The following LARP4 variants were observed in gnomAD, a reference collection of about 807,000 sequenced individuals.
LARP4 encodes the protein La ribonucleoprotein 4.
A neutral mutation model predicts 92.9 loss-of-function variants in LARP4; 29 were observed. The observed-to-expected ratio is 0.31, with a 90% CI of 0.23 to 0.43. The LOEUF (loss-of-function observed/expected upper bound fraction) is 0.43. Ranked by LOEUF, LARP4 falls within the 20% of genes least tolerant of loss-of-function variation. The pLI, the probability that LARP4 is intolerant of heterozygous loss-of-function variation, is 1.00. For synonymous variants in LARP4, 279 were observed against 284.1 expected (o/e 0.98, Z 0.18); for missense variants, 732 against 860.0 (o/e 0.85, Z 1.86).
At chr12:50,445,827 T>C (rs1301691025) in intron 8 of LARP4, among the ~76,000 whole-genome samples, 11 of 152,134 alleles carry the variant, frequency 7.2e-5, no homozygotes, top group Admixed American at 7.2e-4. Context: ...ATTAGAAACA[T>C]AAATGTTATC....
chr12:50,467,482 T>A (rs558866708), intron 13 of LARP4, among the ~76,000 whole-genome samples: 1 of 152,220 alleles, frequency 6.6e-6, no homozygotes, highest in Non-Finnish European at 1.5e-5. Flanking sequence ...TATTTTTTTT[T>A]AGTAGAGACA....
intron 1 of LARP4, among the ~76,000 whole-genome samples, chr12:50,418,044 A>G (rs936268419): frequency 1.8e-4 from 27 of 152,338 alleles, no homozygotes; most frequent in Non-Finnish European, 3.7e-4. Context: ...TATTTTTAGT[A>G]GAGACGGGGT....
chr12:50,471,967 T>G (rs1956987647), intron 13 of LARP4, among the ~76,000 whole-genome samples: 1 of 152,228 alleles, frequency 6.6e-6, no homozygotes, highest in Non-Finnish European at 1.5e-5. Flanking sequence ...TTGAAACAAG[T>G]TCTTAATTTT....
chr12:50,424,675 TAATAAA>T (rs1301311645), intron 1 of LARP4, among the ~76,000 whole-genome samples: 1 of 151,904 alleles, frequency 6.6e-6, no homozygotes, highest in Non-Finnish European at 1.5e-5. Context: ...TCTTTAAAAA[TAATAAA>T]AATAAAAATA....
intron 8 of LARP4, among the ~76,000 whole-genome samples, chr12:50,446,429 ATT>A (rs71083573): frequency 0.013 from 52 of 3,918 alleles, 12 homozygotes; most frequent in South Asian, 0.034. Context: ...ATATATATAT[ATT>A]TTTTTTTTTT....
In LARP4 at chr12:50,453,074, C is replaced by CT. The variant is rs755416642; in HGVS notation, c.805-369dup. Among the ~76,000 whole-genome samples the CT allele has an allele frequency of 3.4e-3, 461 of 136,086 alleles. 3 individuals are homozygous for CT. The highest frequency in any genetic ancestry group is 6.5e-3 in the African/African-American group (245 of 37,418). The allele number at this position is 136,086 out of a possible 152,430, so 89.3% of individuals were successfully genotyped here. A position where few individuals can be genotyped will look rare whatever the true frequency, so the allele number is the denominator to read the frequency against. On this transcript the variant is annotated intron_variant, in intron 8 of 15. Transcript: ENST00000398473. ...ACAGGTTGCATGCCACCATGCCCAG[C>CT]TTTTTTTTTTTTTTTTTCCTTGTAA...
intron 4 of LARP4, among the ~76,000 whole-genome samples, chr12:50,432,714 G>T (rs1949836267): frequency 6.6e-6 from 1 of 151,942 alleles, no homozygotes; most frequent in Non-Finnish European, 1.5e-5. Context: ...CAAAAAATTA[G>T]CTGGGCATGG....
At chr12:50,420,947 C>CTTTTTTTTTTTTTT (rs71083567) in intron 1 of LARP4, 12 of 111,436 alleles carry the variant, frequency 1.1e-4, no homozygotes, top group African/African-American at 3.8e-4. Context: ...ATAACCTTTG[C>CTTTTTTTTTTTTTT]TTTTTTTTTT....
chr12:50,470,418 ACTTTCTTTCTTT>A (rs539989087), intron 13 of LARP4, among the ~76,000 whole-genome samples: 1 of 151,528 alleles, frequency 6.6e-6, no homozygotes, highest in Non-Finnish European at 1.5e-5. Flanking sequence ...ACACATATAT[ACTTTCTTTCTTT>A]CTTTCTTTCT....
intron 1 of LARP4, among the ~76,000 whole-genome samples, chr12:50,404,464 A>T (rs1944420199): frequency 6.6e-6 from 1 of 152,030 alleles, no homozygotes; most frequent in South Asian, 2.1e-4. Flanking sequence ...CAGAGGCAGG[A>T]GTTTCGCTTG....
intron 12 of LARP4, among the ~76,000 whole-genome samples, chr12:50,463,655 T>TA (rs1955765416): frequency 6.6e-6 from 1 of 152,110 alleles, no homozygotes; most frequent in East Asian, 1.9e-4. Flanking sequence ...ATGCAAGGGT[T>TA]GGGCTCCCAA....
Position 50,476,538 on chromosome 12 carries a change from G to C in LARP4, c.*674G>C, listed in dbSNP as rs1302782553. On this transcript the variant is annotated 3_prime_UTR_variant, in exon 16 of 16. Transcript: ENST00000398473. The stretch of plus-strand genomic sequence containing the variant: ...ACCTTACTAATATTTCATTTAACAA[G>C]TTGTAAAACTCTGATTGTACTTAGA... 6.6e-6 allele frequency: 1 copy of C among 152,438 alleles called. No homozygotes were observed. The highest frequency in any genetic ancestry group is 6.6e-5 in the Admixed American group (1 of 15,254). 9.4% of individuals were successfully genotyped at this position (152,438 alleles called of 1,614,324 possible). A position where few individuals can be genotyped will look rare whatever the true frequency, so the allele number is the denominator to read the frequency against.
intron 6 of LARP4, among the ~76,000 whole-genome samples, chr12:50,439,182 G>C (rs1462081982): frequency 6.6e-6 from 1 of 152,088 alleles, no homozygotes; most frequent in Non-Finnish European, 1.5e-5. Flanking sequence ...CAAGCAATCT[G>C]TGCACCTTGG....
At chr12:50,461,472 TA>T in intron 11 of LARP4, 125 bp downstream of exon 11, 1 of 1,002,422 alleles carries the variant, frequency 1.0e-6, no homozygotes, top group South Asian at 1.5e-5. Flanking sequence ...ATTAAATAAA[TA>T]CGTTATTTTC....
chr12:50,446,354 T>C (rs866208905), intron 8 of LARP4, among the ~76,000 whole-genome samples: 2 of 292 alleles, frequency 6.8e-3, no homozygotes, highest in African/African-American at 0.031. Context: ...TCTCTCTCTC[T>C]CTCTCTCTCT....
chr12:50,449,166 C>T (rs1390530629), intron 8 of LARP4, among the ~76,000 whole-genome samples: 4 of 152,092 alleles, frequency 2.6e-5, no homozygotes, highest in Admixed American at 1.3e-4. Context: ...TCATTTGATC[C>T]TTGGAGGAGG....
At chr12:50,468,141 A>G (rs1348110689) in intron 13 of LARP4, among the ~76,000 whole-genome samples, 1 of 151,406 alleles carries the variant, frequency 6.6e-6, no homozygotes, top group Non-Finnish European at 1.5e-5. Context: ...CACCACACCC[A>G]GCTAATTTTT....
Position 50,473,529 on chromosome 12 carries a change from G to A in LARP4, c.1660G>A (p.Ala554Thr), listed in dbSNP as rs1224708842. ...TTCTCCATGTGCTGCTGAGCTTACT[G>A]CATTAAGGTACAAGTTATAGTATAG... ...TSSPCAAELT[A>T]LSTTQQEKDL... Residue 554 changes from alanine to threonine, a missense_variant, in exon 14 of 16, where the codon GCA becomes ACA. Physicochemically the swap from Ala to Thr is moderately conservative, Grantham distance 58. Coordinates refer to ENST00000398473, the MANE Select transcript of LARP4 (RefSeq NM_052879.5). 2.5e-6 allele frequency: 4 copies of A among 1,612,890 alleles called. No individual in the cohort carries two copies. In the South Asian group the frequency reaches 4.4e-5, roughly 18 times the overall value.
At chr12:50,423,808 A>C (rs933891705) in intron 1 of LARP4, among the ~76,000 whole-genome samples, 4 of 146,266 alleles carry the variant, frequency 2.7e-5, no homozygotes, top group Non-Finnish European at 6.0e-5. Flanking sequence ...CTGGGGTGCA[A>C]TGATGCAATT....
Sources: allele counts gnomAD v4.1 joint callset (sites outside exome capture counted in the v4.1 genomes callset), GRCh38; gene constraint gnomAD v4.1.1; transcripts MANE v1.5; gene names NCBI Gene and HGNC (gene_info 2026-07-23, HGNC 2026-07-21).